The following HNF4A variants were observed in gnomAD, a reference collection of about 807,000 sequenced individuals.
The protein encoded by HNF4A is hepatocyte nuclear factor 4-alpha.
In HNF4A, 15 loss-of-function variants were observed where a neutral mutation model predicts 52.4. The observed-to-expected ratio is 0.29, with a 90% CI of 0.19 to 0.44. The LOEUF is 0.44. Ranked by LOEUF, HNF4A falls within the 20% of genes least tolerant of loss-of-function variation. The pLI, the probability that HNF4A is intolerant of heterozygous loss-of-function variation, is 1.00. For missense variants in HNF4A, 479 were observed against 647.2 expected (o/e 0.74, Z 2.82); for synonymous variants, 280 against 264.4 (o/e 1.06, Z -0.57).
chr20:44,421,582 C>T (rs556683319), intron 7 of HNF4A, among the ~76,000 whole-genome samples: 16 of 151,822 alleles, frequency 1.1e-4, no homozygotes, highest in African/African-American at 3.6e-4. Context: ...GGTGAAACCC[C>T]GTCTCTACTA....
At chr20:44,375,127 G>C (rs926254981) in intron 1 of HNF4A, among the ~76,000 whole-genome samples, 2 of 150,936 alleles carry the variant, frequency 1.3e-5, no homozygotes, top group Non-Finnish European at 3.0e-5. Flanking sequence ...GCATTTCTCT[G>C]ATGATTAGTG....
chr20:44,401,329 G>A lies in HNF4A; in HGVS notation c.-44G>A, dbSNP rs773686626. 24 of 1,612,714 alleles carry A rather than the reference G, an allele frequency of 1.5e-5. No homozygotes were observed. Among genetic ancestry groups the A allele is most frequent in the South Asian group, 1.1e-4 (10 of 91,052 alleles). ...CGGAGGGCGGGGGCCTTCGGGGTGGGCGCCCAGGGTAGGGCAGGTGGCCGC... is the reference window on the plus strand; with the variant it reads ...CGGAGGGCGGGGGCCTTCGGGGTGGACGCCCAGGGTAGGGCAGGTGGCCGC... On this transcript the variant is annotated 5_prime_UTR_variant, in exon 1 of 10. Coordinates refer to ENST00000316099, the MANE Select transcript of HNF4A (RefSeq NM_000457.6).
intron 5 of HNF4A, among the ~76,000 whole-genome samples, chr20:44,417,806 T>C (rs1217337994): frequency 6.6e-6 from 1 of 151,886 alleles, no homozygotes; most frequent in Non-Finnish European, 1.5e-5. Flanking sequence ...ACCCCGTCTC[T>C]ACTAAAAATA....
chr20:44,410,468 G>A (rs957072212), intron 3 of HNF4A, among the ~76,000 whole-genome samples: 1 of 151,996 alleles, frequency 6.6e-6, no homozygotes, highest in East Asian at 1.9e-4. Context: ...ATTCCTAGCT[G>A]TGCCTGTCTT....
intron 7 of HNF4A, among the ~76,000 whole-genome samples, chr20:44,423,418 G>A (rs2063774422): frequency 6.6e-6 from 1 of 152,250 alleles, no homozygotes; most frequent in African/African-American, 2.4e-5. Context: ...GTGGTCAGCA[G>A]TGATGGAGGG....
chr20:44,376,751 C>T (rs941292110), intron 1 of HNF4A, among the ~76,000 whole-genome samples: 14 of 152,066 alleles, frequency 9.2e-5, no homozygotes, highest in African/African-American at 2.9e-4. Flanking sequence ...TTCTACCATA[C>T]GTGGCTATAT....
chr20:44,400,275 A>T (rs987011790), upstream of HNF4A, among the ~76,000 whole-genome samples: 4 of 151,946 alleles, frequency 2.6e-5, no homozygotes, highest in Non-Finnish European at 5.9e-5. Context: ...CACAAAGCCC[A>T]CTCTGAAGGT....
chr20:44,372,138 C>CA (rs1274775237), intron 1 of HNF4A, among the ~76,000 whole-genome samples: 2 of 152,146 alleles, frequency 1.3e-5, no homozygotes, highest in African/African-American at 4.8e-5. Flanking sequence ...TCACTGAGAC[C>CA]AAAGCAGAGT....
rs573842705 is a variant in HNF4A at position 44,415,600 on chromosome 20, CT to C, written c.648+940del. ...TCGGAGACAGACTCTGGTGCATTCG[CT>C]TACCCGTTTCGCACCTTTGCATAAG... On this transcript the variant is annotated intron_variant, in intron 5 of 9. Coordinates refer to ENST00000316099, the MANE Select transcript of HNF4A (RefSeq NM_000457.6). Among the ~76,000 whole-genome samples, 18 of 152,336 alleles carry C rather than the reference CT, an allele frequency of 1.2e-4. No homozygotes were observed. The South Asian group carries it at 3.5e-3, about 30-fold the overall frequency.
In HNF4A at chr20:44,432,702, G is replaced by A. The variant is rs981791662; in HGVS notation, c.*3037G>A. ...CAGAACGACCCACATCTTTCTGTGGGTGTGAATGTCATTAGGTCTTGCGCT... is the reference window on the plus strand; with the variant it reads ...CAGAACGACCCACATCTTTCTGTGGATGTGAATGTCATTAGGTCTTGCGCT... On this transcript the variant is annotated 3_prime_UTR_variant, in exon 10 of 10. Transcript: ENST00000316099. The A allele has an allele frequency of 6.6e-6, 1 of 152,152 alleles. No individual in the cohort carries two copies. Among genetic ancestry groups the A allele is most frequent in the Non-Finnish European group, 1.5e-5 (1 of 68,036 alleles). 9.4% of individuals were successfully genotyped at this position (152,152 alleles called of 1,614,324 possible). A position where few individuals can be genotyped will look rare whatever the true frequency, so the allele number is the denominator to read the frequency against.
chr20:44,393,378 C>A (rs147704414), intron 1 of HNF4A, among the ~76,000 whole-genome samples: 11 of 152,362 alleles, frequency 7.2e-5, no homozygotes, highest in African/African-American at 2.2e-4. Flanking sequence ...CCAGACCATA[C>A]TCTCTGCCCT....
downstream of HNF4A, chr20:44,433,073 G>A (rs1276947809): frequency 6.6e-6 from 1 of 152,172 alleles, no homozygotes; most frequent in Non-Finnish European, 1.5e-5. Context: ...ACTGAGGCTT[G>A]GGGGAAGTGA....
chr20:44,425,672 T>TTTTTTG (rs2063807040), intron 8 of HNF4A, among the ~76,000 whole-genome samples: 3 of 149,696 alleles, frequency 2.0e-5, no homozygotes, highest in Non-Finnish European at 1.5e-5. Flanking sequence ...TTTTTTTTTT[T>TTTTTTG]GAGACGAGAT....
intron 1 of HNF4A, among the ~76,000 whole-genome samples, chr20:44,361,401 G>A (rs961608890): frequency 2.0e-5 from 3 of 152,126 alleles, no homozygotes; most frequent in Admixed American, 6.6e-5. Flanking sequence ...GAAGCCTCCC[G>A]TATTCATTAA....
At chr20:44,422,345 A>G (rs1600739699) in intron 7 of HNF4A, among the ~76,000 whole-genome samples, 1 of 152,146 alleles carries the variant, frequency 6.6e-6, no homozygotes, top group East Asian at 1.9e-4. Context: ...GCCTCCAGCA[A>G]TTTGAAGGGG....
intron 1 of HNF4A, among the ~76,000 whole-genome samples, chr20:44,402,210 G>A (rs1440467487): frequency 6.6e-6 from 1 of 152,048 alleles, no homozygotes; most frequent in Non-Finnish European, 1.5e-5. Context: ...TGTCTTAGGA[G>A]TTGCCCGTGT....
intron 8 of HNF4A, 96 bp from the exon 9 acceptor site, chr20:44,428,239 G>C: frequency 7.9e-7 from 1 of 1,265,646 alleles, no homozygotes; most frequent in Non-Finnish European, 1.2e-6. Flanking sequence ...ATATTGGATG[G>C]GCTGGTTGAT....
rs1054417738 is a variant in HNF4A, at chr20:44,358,638, A to C, written c.49+2785A>C. Among the ~76,000 whole-genome samples the C allele has an allele frequency of 5.3e-5, 8 of 152,146 alleles. No homozygotes were observed. The East Asian group carries it at 1.5e-3, about 29-fold the overall frequency. ...AAAAAACAAAACAAAACAAAAAAAC[A>C]AAAAACAAACAAAAAATCTTCTTCT... On this transcript the variant is annotated intron_variant, in intron 1 of 9. Coordinates refer to the HNF4A transcript ENST00000316673.
Position 44,413,770 on chromosome 20 carries a change from G to C in HNF4A, c.462G>C (p.Ala154=). 1 of 1,613,486 alleles carries C rather than the reference G, an allele frequency of 6.2e-7. No individual in the cohort carries two copies. The highest frequency in any genetic ancestry group is 1.1e-5 in the South Asian group (1 of 90,968). Residue 154 remains alanine, a synonymous_variant, in exon 4 of 10, where the codon GCG becomes GCC. Coordinates refer to ENST00000316099, the MANE Select transcript of HNF4A (RefSeq NM_000457.6). The stretch of plus-strand genomic sequence containing the variant: ...ACAGCAGCCTGCCCTCCATCAATGC[G>C]CTCCTGCAGGCGGAGGTCCTGTCCC...
Sources: gnomAD v4.1 joint callset for allele counts (sites outside exome capture counted in the v4.1 genomes callset) on GRCh38, gnomAD v4.1.1 for gene constraint, MANE v1.5 for transcripts, NCBI Gene and HGNC (gene_info 2026-07-23, HGNC 2026-07-21) for gene names.